Variants in GLYATL1B observed in about 807,000 individuals in gnomAD.
GLYATL1B encodes the protein putative glycine N-acyltransferase-like protein 1B.
Under a neutral mutation model 5.5 loss-of-function variants are expected in GLYATL1B, and 6 were observed. That is an observed-to-expected ratio of 1.09 (90% CI 0.60 to 2.15). GLYATL1B has a LOEUF of 2.15. GLYATL1B is among the 30% of genes most tolerant of loss of function. The pLI is 0.00. For missense variants in GLYATL1B, 135 were observed against 94.1 expected (o/e 1.43, Z -1.80); for synonymous variants, 67 against 34.9 (o/e 1.92, Z -3.24).
At chr11:59,090,767 G>C (rs1308622025) in intron 2 of GLYATL1B, among the ~76,000 whole-genome samples, 1 of 151,930 alleles carries the variant, frequency 6.6e-6, no homozygotes, top group Non-Finnish European at 1.5e-5. Flanking sequence ...GCCAATATTT[G>C]TATGGGTTTT....
rs547967379 is a variant in GLYATL1B at position 59,086,384 on chromosome 11, G to A, written c.78G>A (p.Lys26=). The stretch of plus-strand genomic sequence containing the variant: ...CAAGGAGCATTCCTGAGTCCCTGAA[G>A]GTGAAGGAACAGTGGGAGGTTGGGG... ...SLARSIPESL[K]VYGSLFHINH... is the part of the protein sequence containing the mutation. Residue 26 remains lysine, a splice_region_variant and synonymous_variant, in exon 1 of 5, where the codon AAG becomes AAA. Transcript: ENST00000527482. 50 of 398,856 alleles carry A rather than the reference G, an allele frequency of 1.3e-4. No individual in the cohort carries two copies. In the South Asian group the frequency reaches 4.2e-3, roughly 34 times the overall value. The allele number at this position is 398,856 out of a possible 1,614,324, so 24.7% of individuals were successfully genotyped here.
At chr11:59,092,651 A>G (rs1270425082) in intron 2 of GLYATL1B, among the ~76,000 whole-genome samples, 1 of 152,224 alleles carries the variant, frequency 6.6e-6, no homozygotes, top group Non-Finnish European at 1.5e-5. Flanking sequence ...TCCCCTGATA[A>G]ACAGATACTC....
chr11:59,092,560 T>C (rs1859337692), intron 2 of GLYATL1B, among the ~76,000 whole-genome samples: 2 of 152,198 alleles, frequency 1.3e-5, no homozygotes, highest in East Asian at 1.9e-4. Context: ...TACACTATTT[T>C]CTCTTTTACT....
chr11:59,090,940 C>T (rs1248036508), intron 2 of GLYATL1B, among the ~76,000 whole-genome samples: 1 of 152,090 alleles, frequency 6.6e-6, no homozygotes, highest in African/African-American at 2.4e-5. Context: ...AGAGCACTTT[C>T]CTGTTTTCCC....
intron 2 of GLYATL1B, among the ~76,000 whole-genome samples, chr11:59,092,721 C>T (rs1056115589): frequency 6.6e-6 from 1 of 152,168 alleles, no homozygotes; most frequent in East Asian, 1.9e-4. Flanking sequence ...TCTTTAAAAC[C>T]CATGAGTCTA....
At chr11:59,090,619 C>A (rs1859287949) in intron 2 of GLYATL1B, among the ~76,000 whole-genome samples, 1 of 151,744 alleles carries the variant, frequency 6.6e-6, no homozygotes, top group Non-Finnish European at 1.5e-5. Flanking sequence ...TTCTTCATTT[C>A]CAAATATGTC....
chr11:59,086,622 C>A (rs543156656), intron 1 of GLYATL1B, among the ~76,000 whole-genome samples: 1 of 152,108 alleles, frequency 6.6e-6, no homozygotes, highest in African/African-American at 2.4e-5. Flanking sequence ...ATGGTGGCTA[C>A]GAACATCGGT....
At chr11:59,087,893 A>G (rs1340046173) in intron 2 of GLYATL1B, among the ~76,000 whole-genome samples, 3 of 152,146 alleles carry the variant, frequency 2.0e-5, no homozygotes, top group Admixed American at 6.5e-5. Flanking sequence ...AGGGACACAC[A>G]ATTACTTTGT....
intron 2 of GLYATL1B, among the ~76,000 whole-genome samples, chr11:59,088,720 C>T (rs768588776): frequency 1.3e-5 from 2 of 151,996 alleles, no homozygotes; most frequent in Non-Finnish European, 2.9e-5. Flanking sequence ...AGTGAGTCAG[C>T]AAACAAAAAT....
chr11:59,091,682 G>T lies in GLYATL1B; in HGVS notation c.187-1847G>T, dbSNP rs565019493. ...TTCTTAGAGAACTTAAAAGAGAGTT[G>T]CCATTCGACCCAGCAATGCCATTAC... On this transcript the variant is annotated intron_variant, in intron 2 of 4. Transcript: ENST00000527482. Among the ~76,000 whole-genome samples, 5 of 152,246 alleles carry T rather than the reference G, an allele frequency of 3.3e-5. No individual in the cohort carries two copies. The South Asian group carries it at 6.2e-4, about 19-fold the overall frequency.
intron 2 of GLYATL1B, among the ~76,000 whole-genome samples, chr11:59,089,773 T>G (rs190217209): frequency 3.9e-5 from 6 of 152,172 alleles, no homozygotes; most frequent in Admixed American, 3.9e-4. Flanking sequence ...CAATTTAGAA[T>G]TATTTTCTAA....
At chr11:59,091,527 T>G (rs1859310001) in intron 2 of GLYATL1B, among the ~76,000 whole-genome samples, 1 of 152,236 alleles carries the variant, frequency 6.6e-6, no homozygotes, top group South Asian at 2.1e-4. Flanking sequence ...TAGTGTCTAT[T>G]GTTCTCACAT....
In GLYATL1B at chr11:59,094,164, G is replaced by A. The variant is rs1184322115; in HGVS notation, c.491+53G>A. 19 of 534,078 alleles carry A rather than the reference G, an allele frequency of 3.6e-5. No individual in the cohort carries two copies. The South Asian group carries it at 6.6e-4, about 18-fold the overall frequency. 33.1% of individuals were successfully genotyped at this position (534,078 alleles called of 1,614,324 possible). A position where few individuals can be genotyped will look rare whatever the true frequency, so the allele number is the denominator to read the frequency against. ...TAATTGCTATTCCTTGTACATTTTT[G>A]TAATTCACATAAATCAGTTTTGGAA... is the stretch of plus-strand genomic sequence containing the variant. On this transcript the variant is annotated intron_variant, in intron 4 of 4. Transcript: ENST00000527482.
intron 2 of GLYATL1B, among the ~76,000 whole-genome samples, chr11:59,089,025 C>A (rs1859251742): frequency 6.6e-6 from 1 of 152,154 alleles, no homozygotes; most frequent in Non-Finnish European, 1.5e-5. Flanking sequence ...AATAACCTCT[C>A]ACCTCTTTGC....
chr11:59,090,474 T>G (rs1007951510), intron 2 of GLYATL1B, among the ~76,000 whole-genome samples: 1 of 152,012 alleles, frequency 6.6e-6, no homozygotes, highest in African/African-American at 2.4e-5. Flanking sequence ...AATATTAGTG[T>G]TTTCCTGAGG....
intron 2 of GLYATL1B, among the ~76,000 whole-genome samples, chr11:59,091,826 G>T (rs1477071086): frequency 6.6e-6 from 1 of 152,054 alleles, no homozygotes; most frequent in Non-Finnish European, 1.5e-5. Flanking sequence ...CCCCATCAAA[G>T]GTGCATTGGA....
intron 2 of GLYATL1B, among the ~76,000 whole-genome samples, chr11:59,092,106 C>A (rs1484236294): frequency 1.3e-5 from 2 of 151,646 alleles, no homozygotes; most frequent in East Asian, 1.9e-4. Flanking sequence ...ATATAATCTT[C>A]TATTATAAGT....
rs1859208519 is a variant in GLYATL1B at position 59,087,169 on chromosome 11, C to T, written c.184C>T (p.Gln62Ter). The T allele has an allele frequency of 1.6e-6, 1 of 617,336 alleles. No individual in the cohort carries two copies. The allele number at this position is 617,336 out of a possible 1,614,324, so 38.2% of individuals were successfully genotyped here. Residue 62 changes from glutamine (Q) to a stop codon, truncating the protein, a stop_gained and splice_region_variant, in exon 2 of 5, where the codon CAG (glutamine) becomes TAG (stop). Transcript: ENST00000527482. LOFTEE classifies it high-confidence loss of function. ...YQMVIIRPQK[Q>*]EMTDDMDSYT... is the part of the protein sequence containing the mutation. The stretch of plus-strand genomic sequence containing the variant: ...GATGGTTATTATCCGACCTCAAAAA[C>T]AGGTAGGCACACAGACAGGGACTGG...
chr11:59,089,304 C>G (rs1325517103), intron 2 of GLYATL1B, among the ~76,000 whole-genome samples: 1 of 152,186 alleles, frequency 6.6e-6, no homozygotes, highest in African/African-American at 2.4e-5. Flanking sequence ...ACAAACAATG[C>G]TTCAATAAAC....
Sources: gnomAD v4.1 joint callset for allele counts (sites outside exome capture counted in the v4.1 genomes callset) on GRCh38, gnomAD v4.1.1 for gene constraint, MANE v1.5 for transcripts, NCBI Gene and HGNC (gene_info 2026-07-23, HGNC 2026-07-21) for gene names.